Variants in RYR3 observed in about 807,000 individuals in gnomAD.
RYR3 encodes the protein brain ryanodine receptor-calcium release channel.
RYR3 carries 207 observed loss-of-function variants against 584.3 expected under a neutral mutation model. That is an observed-to-expected ratio of 0.35 (90% CI 0.32 to 0.40). RYR3 has a LOEUF of 0.40. Among genes scored for constraint, RYR3 ranks in the 10% least tolerant of loss-of-function variants. RYR3 has a pLI of 1.00. For synonymous variants in RYR3, 2,416 were observed against 2,248.5 expected (o/e 1.07, Z -2.11); for missense variants, 5,616 against 6,089.2 (o/e 0.92, Z 2.59).
At chr15:33,664,614 T>TATATATATATACATAC (rs1491296584) in intron 36 of RYR3, among the ~76,000 whole-genome samples, 2 of 120,532 alleles carry the variant, frequency 1.7e-5, no homozygotes, top group Admixed American at 8.5e-5. Flanking sequence ...TATATATATA[T>TATATATATATACATAC]ACGTATGTAT....
At chr15:33,806,410 T>C (rs956248006) in intron 69 of RYR3, among the ~76,000 whole-genome samples, 6 of 151,962 alleles carry the variant, frequency 3.9e-5, no homozygotes, top group Non-Finnish European at 7.4e-5. Context: ...CCCAGTACTT[T>C]AGGAAGCTAA....
intron 96 of RYR3, 113 bp from the exon 97 acceptor site, chr15:33,854,276 G>C (rs763437328): frequency 9.5e-5 from 72 of 756,302 alleles, no homozygotes; most frequent in Non-Finnish European, 1.5e-4. Flanking sequence ...ATAAAGCTGA[G>C]AGCCATATTT....
At chr15:33,360,905 CAG>C (rs1399890451) in intron 1 of RYR3, among the ~76,000 whole-genome samples, 6 of 152,254 alleles carry the variant, frequency 3.9e-5, no homozygotes, top group Non-Finnish European at 8.8e-5. Flanking sequence ...CAGACCTGAG[CAG>C]AGGTTGCACA....
intron 102 of RYR3, among the ~76,000 whole-genome samples, chr15:33,862,866 C>G (rs1172529901): frequency 6.6e-6 from 1 of 152,186 alleles, no homozygotes; most frequent in East Asian, 1.9e-4. Context: ...CTGCCTTGGC[C>G]TCAGCCTCCC....
Position 33,831,899 on chromosome 15 carries a change from C to T in RYR3, c.11463+808C>T, listed in dbSNP as rs115560883. 4.5e-3 allele frequency among the ~76,000 whole-genome samples: 682 copies of T among 152,238 alleles called. 3 individuals carry two copies. The highest frequency in any genetic ancestry group is 0.016 in the African/African-American group (648 of 41,538). The stretch of plus-strand genomic sequence containing the variant: ...CAAAACGCTCAGTTTGTACTCTGCG[C>T]TGTGGTTCATGAAAAGAAGCACAGT... On this transcript the variant is annotated intron_variant, in intron 86 of 103. Transcript: ENST00000634891.
chr15:33,745,999 C>T, intron 52 of RYR3, 69 bp from the exon 53 acceptor site: 1 of 974,596 alleles, frequency 1.0e-6, no homozygotes, highest in Non-Finnish European at 1.6e-6. Flanking sequence ...AAAATAGAAG[C>T]AGGGATTTGG....
rs1049174177 is a variant in RYR3 at position 33,756,365 on chromosome 15, T to C, written c.8575T>C (p.Phe2859Leu). 5 of 1,573,744 alleles carry C rather than the reference T, an allele frequency of 3.2e-6. No homozygotes were observed. The highest frequency in any genetic ancestry group is 4.3e-6 in the Non-Finnish European group (5 of 1,158,378). ...KSPRDQEIKFFAKVLLPLVDQ... is the reference protein window; with the variant it reads ...KSPRDQEIKFLAKVLLPLVDQ... The stretch of plus-strand genomic sequence containing the variant: ...TCCCCGTGACCAGGAGATCAAATTC[T>C]TTGCCAAAGTAAGTGGCCCTGCACT... The change falls in exon 59 of 104, where the codon TTT becomes CTT. Residue 2859 changes from phenylalanine (F) to leucine (L), a missense_variant. Coordinates refer to ENST00000634891, the MANE Select transcript of RYR3 (RefSeq NM_001036.6).
At chr15:33,484,757 G>C (rs988297945) in intron 2 of RYR3, among the ~76,000 whole-genome samples, 2 of 152,002 alleles carry the variant, frequency 1.3e-5, no homozygotes, top group African/African-American at 4.8e-5. Context: ...TATTGGAGGA[G>C]GGATAAAGGA....
chr15:33,706,328 A>G (rs149133203), intron 42 of RYR3, among the ~76,000 whole-genome samples: 96 of 152,224 alleles, frequency 6.3e-4, no homozygotes, highest in African/African-American at 2.2e-3. Context: ...ATCTATCTCC[A>G]TAACTCTTTT....
rs914086241 is a variant in RYR3, at chr15:33,659,735, A to C, written c.4324A>C (p.Lys1442Gln). 4 of 1,611,698 alleles carry C rather than the reference A, an allele frequency of 2.5e-6. No homozygotes were observed. The highest frequency in any genetic ancestry group is 3.4e-6 in the Non-Finnish European group (4 of 1,177,938). The change falls in exon 33 of 104, where the codon AAA (lysine) becomes CAA (glutamine). Residue 1442 changes from lysine to glutamine, a missense_variant. This residue lies in a region of RYR3 where 753 missense variants were observed against 741.0 expected (regional missense o/e 1.02). Transcript: ENST00000634891. Reference sequence around the variant, plus strand: ...TGATTTCCAGGTGGAGCCTAATACCAAAGTGTTTCCAGCAGTCTTCCTGCA... The same window carrying C: ...TGATTTCCAGGTGGAGCCTAATACCCAAGTGTTTCCAGCAGTCTTCCTGCA... Reference protein sequence around the residue: ...GTCYQVEPNTKVFPAVFLQPT... With the variant: ...GTCYQVEPNTQVFPAVFLQPT...
intron 1 of RYR3, among the ~76,000 whole-genome samples, chr15:33,322,478 C>T (rs552356765): frequency 1.3e-5 from 2 of 152,222 alleles, no homozygotes; most frequent in East Asian, 3.9e-4. Flanking sequence ...AAACACCTCC[C>T]ACAAGGGCCC....
At chr15:33,408,617 T>C (rs2043180797) in intron 1 of RYR3, among the ~76,000 whole-genome samples, 2 of 152,234 alleles carry the variant, frequency 1.3e-5, no homozygotes, top group African/African-American at 4.8e-5. Flanking sequence ...TTCTCACTAA[T>C]GGTGTATAAG....
In RYR3 at chr15:33,854,515, C is replaced by G. The variant is rs947204784; in HGVS notation, c.13860+66C>G. The G allele has an allele frequency of 3.7e-6, 5 of 1,343,488 alleles. No individual in the cohort carries two copies. The African/African-American group carries it at 5.9e-5, about 16-fold the overall frequency. 83.2% of individuals were successfully genotyped at this position (1,343,488 alleles called of 1,614,324 possible). On this transcript the variant is annotated intron_variant, in intron 97 of 103. Transcript: ENST00000634891. Reference sequence around the variant, plus strand: ...TTCAGGGATGCCACAGAGAAGCAAGCTATGCAGGATGCTCAGAAGGGTTCA... The same window carrying G: ...TTCAGGGATGCCACAGAGAAGCAAGGTATGCAGGATGCTCAGAAGGGTTCA...
In RYR3 at chr15:33,708,579, C is replaced by T. The variant is rs113579444; in HGVS notation, c.6619+1525C>T. Among the ~76,000 whole-genome samples, 70 of 152,242 alleles carry T rather than the reference C, an allele frequency of 4.6e-4. No individual in the cohort carries two copies. The Middle Eastern group carries it at 0.01, about 22-fold the overall frequency. ...TCAATATATTTTCTGCACTACAATTCTATAATGCAACAAACTCTGGCAAAC... is the reference window on the plus strand; with the variant it reads ...TCAATATATTTTCTGCACTACAATTTTATAATGCAACAAACTCTGGCAAAC... On this transcript the variant is annotated intron_variant, in intron 43 of 103. Transcript: ENST00000634891.
chr15:33,391,661 G>A (rs77024365), intron 1 of RYR3, among the ~76,000 whole-genome samples: 1,799 of 151,934 alleles, frequency 0.012, 32 homozygotes, highest in African/African-American at 0.04. Context: ...TGAAGGGCTG[G>A]ACCAAATAGG....
At chr15:33,635,930 C>A in intron 26 of RYR3, 111 bp downstream of exon 26, 2 of 861,360 alleles carry the variant, frequency 2.3e-6, no homozygotes, top group Non-Finnish European at 3.7e-6. Flanking sequence ...GAGTGACCAC[C>A]ACCACTGGCT....
chr15:33,722,646 T>C lies in RYR3; in HGVS notation c.6620-69T>C, dbSNP rs1352781059. On this transcript the variant is annotated intron_variant, in intron 43 of 103. Transcript: ENST00000634891. The stretch of plus-strand genomic sequence containing the variant: ...TGAACAAAATACTGTTCTCCCAGCC[T>C]CATCAACTAGAAATAAATTCTGGGG... The C allele has an allele frequency of 4.2e-6, 6 of 1,439,738 alleles. No homozygotes were observed. In the Admixed American group the frequency reaches 1.0e-4, roughly 25 times the overall value. The allele number at this position is 1,439,738 out of a possible 1,614,324, so 89.2% of individuals were successfully genotyped here. A position where few individuals can be genotyped will look rare whatever the true frequency, so the allele number is the denominator to read the frequency against.
At chr15:33,602,733 C>CTTTTTTTT (rs10578832) in intron 17 of RYR3, among the ~76,000 whole-genome samples, 1 of 75,198 alleles carries the variant, frequency 1.3e-5, no homozygotes, top group Non-Finnish European at 2.3e-5. Context: ...TTTTTCTAGT[C>CTTTTTTTT]TTTTTTTTTT....
At chr15:33,765,361 G>T (rs556118745) in intron 60 of RYR3, among the ~76,000 whole-genome samples, 3 of 152,000 alleles carry the variant, frequency 2.0e-5, no homozygotes, top group Non-Finnish European at 2.9e-5. Context: ...GGCCAGGCGC[G>T]GTGGCTCACA....
Sources: allele counts gnomAD v4.1 joint callset (sites outside exome capture counted in the v4.1 genomes callset), GRCh38; gene constraint gnomAD v4.1.1; regional missense constraint gnomAD v4.1.1; transcripts MANE v1.5; gene names NCBI Gene and HGNC (gene_info 2026-07-23, HGNC 2026-07-21).